CLMP: variants seen among roughly 807,000 people sequenced by gnomAD.
The protein encoded by CLMP is CXADR like cell adhesion molecule.
In CLMP, 27 loss-of-function variants were observed where a neutral mutation model predicts 45.2. That is an observed-to-expected ratio of 0.60 (90% CI 0.44 to 0.82). The LOEUF is 0.82. CLMP is among the 40% of genes least tolerant of loss of function. The pLI is 0.00. For missense variants in CLMP, 403 were observed against 448.4 expected (o/e 0.90, Z 0.91); for synonymous variants, 167 against 171.4 (o/e 0.97, Z 0.20).
intron 1 of CLMP, among the ~76,000 whole-genome samples, chr11:123,141,173 C>CTTTTTTTTTTTTTTTTTT (rs550888215): frequency 3.7e-5 from 3 of 80,808 alleles, no homozygotes; most frequent in Non-Finnish European, 6.7e-5. Flanking sequence ...TCAGGCATTC[C>CTTTTTTTTTTTTTTTTTT]TTTTTTTTTT....
At chr11:123,189,862 C>T (rs527974422) in intron 1 of CLMP, among the ~76,000 whole-genome samples, 2 of 151,926 alleles carry the variant, frequency 1.3e-5, no homozygotes, top group East Asian at 1.9e-4. Flanking sequence ...ATTAGCTGGG[C>T]GTGATGGTGG....
intron 2 of CLMP, among the ~76,000 whole-genome samples, chr11:123,089,573 G>A (rs1171154873): frequency 6.6e-6 from 1 of 151,328 alleles, no homozygotes; most frequent in Non-Finnish European, 1.5e-5. Flanking sequence ...AGACCATCCT[G>A]GCTAACACGG....
At chr11:123,151,635 T>C (rs549454327) in intron 1 of CLMP, among the ~76,000 whole-genome samples, 3 of 152,334 alleles carry the variant, frequency 2.0e-5, no homozygotes, top group Non-Finnish European at 4.4e-5. Flanking sequence ...ATATACTAAA[T>C]GCCTGTGAAA....
chr11:123,083,425 G>T (rs1204410143), intron 4 of CLMP, among the ~76,000 whole-genome samples: 2 of 152,116 alleles, frequency 1.3e-5, no homozygotes, highest in Non-Finnish European at 2.9e-5. Flanking sequence ...ACATTTAAGG[G>T]ATACTAAACA....
At chr11:123,101,242 G>C (rs140765244) in intron 1 of CLMP, among the ~76,000 whole-genome samples, 1 of 152,138 alleles carries the variant, frequency 6.6e-6, no homozygotes, top group Non-Finnish European at 1.5e-5. Context: ...TGGAGTAGCT[G>C]GGATTATAGG....
intron 1 of CLMP, among the ~76,000 whole-genome samples, chr11:123,182,034 A>G (rs2135548312): frequency 6.6e-6 from 1 of 152,372 alleles, no homozygotes; most frequent in South Asian, 2.1e-4. Context: ...AATCCTAGAA[A>G]TACAAATGTC....
At chr11:123,120,682 G>GTTA (rs1860802043) in intron 1 of CLMP, among the ~76,000 whole-genome samples, 1 of 152,072 alleles carries the variant, frequency 6.6e-6, no homozygotes, top group East Asian at 1.9e-4. Flanking sequence ...TATTATTGTT[G>GTTA]TTATTATTAT....
Position 123,121,110 on chromosome 11 carries a change from G to C in CLMP, c.29-23158C>G, listed in dbSNP as rs377400435. ...CCACTGCACTCCAGCCTGGGCGACAGAGCGAGACTCCGTCTCAAAAAAAAA... is the reference window on the plus strand; with the variant it reads ...CCACTGCACTCCAGCCTGGGCGACACAGCGAGACTCCGTCTCAAAAAAAAA... On this transcript the variant is annotated intron_variant, in intron 1 of 6. Transcript: ENST00000448775. Among the ~76,000 whole-genome samples, 1,241 of 138,344 alleles carry C rather than the reference G, an allele frequency of 9.0e-3. 20 individuals are homozygous for C. The highest frequency in any genetic ancestry group is 0.032 in the African/African-American group (1,185 of 36,852). The allele number at this position is 138,344 out of a possible 152,430, so 90.8% of individuals were successfully genotyped here. A position where few individuals can be genotyped will look rare whatever the true frequency, so the allele number is the denominator to read the frequency against.
chr11:123,170,223 T>C (rs1277585884), intron 1 of CLMP, among the ~76,000 whole-genome samples: 1 of 152,184 alleles, frequency 6.6e-6, no homozygotes, highest in East Asian at 1.9e-4. Context: ...TTATTTGTTA[T>C]GTGATGTGCC....
At chr11:123,130,996 C>T (rs975161947) in intron 1 of CLMP, among the ~76,000 whole-genome samples, 19 of 151,998 alleles carry the variant, frequency 1.3e-4, no homozygotes, top group Non-Finnish European at 2.6e-4. Context: ...GTGTGCACCA[C>T]CATGCCTGGC....
At chr11:123,152,015 T>C (rs1182604307) in intron 1 of CLMP, among the ~76,000 whole-genome samples, 3 of 152,202 alleles carry the variant, frequency 2.0e-5, no homozygotes, top group African/African-American at 7.2e-5. Context: ...TATAGCACAG[T>C]TCTGATTGCA....
At chr11:123,120,546 A>G (rs1251433964) in intron 1 of CLMP, among the ~76,000 whole-genome samples, 1 of 152,196 alleles carries the variant, frequency 6.6e-6, no homozygotes, top group Non-Finnish European at 1.5e-5. Context: ...TTTCTTGTCT[A>G]TAAAATGGAG....
intron 2 of CLMP, among the ~76,000 whole-genome samples, chr11:123,092,825 C>T (rs1447161006): frequency 1.3e-5 from 2 of 151,008 alleles, no homozygotes; most frequent in Non-Finnish European, 2.9e-5. Context: ...CCCTTGAGCT[C>T]CTGACCTCGT....
intron 1 of CLMP, among the ~76,000 whole-genome samples, chr11:123,133,859 A>G (rs1861027461): frequency 6.6e-6 from 1 of 151,974 alleles, no homozygotes; most frequent in Admixed American, 6.6e-5. Flanking sequence ...CTTAGATCAT[A>G]CCCTTTTCCC....
intron 2 of CLMP, among the ~76,000 whole-genome samples, chr11:123,086,725 T>C (rs1469821003): frequency 6.6e-6 from 1 of 152,062 alleles, no homozygotes; most frequent in African/African-American, 2.4e-5. Context: ...TCTAAATATT[T>C]GTGGGGGCCA....
At chr11:123,142,871 C>T (rs1466938156) in intron 1 of CLMP, among the ~76,000 whole-genome samples, 1 of 151,470 alleles carries the variant, frequency 6.6e-6, no homozygotes, top group Non-Finnish European at 1.5e-5. Context: ...CATGATCCAC[C>T]CACCTCGGCC....
intron 1 of CLMP, among the ~76,000 whole-genome samples, chr11:123,116,154 G>C (rs1860717386): frequency 6.6e-6 from 1 of 151,824 alleles, no homozygotes; most frequent in Admixed American, 6.6e-5. Flanking sequence ...AATCTCTGCT[G>C]CCGTATTCTA....
At chr11:123,091,230 G>A (rs1180884307) in intron 2 of CLMP, among the ~76,000 whole-genome samples, 5 of 151,998 alleles carry the variant, frequency 3.3e-5, no homozygotes, top group South Asian at 2.1e-4. Context: ...TCAGCCTCCC[G>A]TGTAGCTGGG....
chr11:123,092,486 C>T (rs1021932879), intron 2 of CLMP, among the ~76,000 whole-genome samples: 3 of 151,808 alleles, frequency 2.0e-5, no homozygotes, highest in Non-Finnish European at 4.4e-5. Context: ...TTAGTAGAGA[C>T]TGGGTGTCAC....
Sources: allele counts gnomAD v4.1 joint callset (sites outside exome capture counted in the v4.1 genomes callset), GRCh38; gene constraint gnomAD v4.1.1; transcripts MANE v1.5; gene names NCBI Gene and HGNC (gene_info 2026-07-23, HGNC 2026-07-21).